DRC9: variants seen among roughly 807,000 people sequenced by gnomAD.
DRC9 encodes the protein dynein regulatory complex protein 9.
chr3:197,911,283 C>T, the DRC9 span, among the ~76,000 whole-genome samples: 17 of 152,240 alleles, frequency 1.1e-4, no homozygotes, highest in East Asian at 3.1e-3. Flanking sequence ...ACACTGCTAA[C>T]GGCAGCACAG....
the DRC9 span, among the ~76,000 whole-genome samples, chr3:197,890,733 T>C: frequency 6.6e-6 from 1 of 152,258 alleles, no homozygotes; most frequent in Non-Finnish European, 1.5e-5. Flanking sequence ...TGAAACTTGA[T>C]AAATACTTGC....
the DRC9 span, among the ~76,000 whole-genome samples, chr3:197,933,458 CA>C: frequency 2.6e-5 from 4 of 151,584 alleles, no homozygotes; most frequent in Non-Finnish European, 4.4e-5. Flanking sequence ...ACACAAAAAA[CA>C]AAAAAACCGC....
At chr3:197,943,438 C>T in the DRC9 span, among the ~76,000 whole-genome samples, 2 of 152,010 alleles carry the variant, frequency 1.3e-5, no homozygotes, top group African/African-American at 4.8e-5. Flanking sequence ...TTTAATGGCA[C>T]CAGCCTGGAC....
the DRC9 span, among the ~76,000 whole-genome samples, chr3:197,899,706 G>C: frequency 1.5e-4 from 23 of 152,214 alleles, 1 homozygote; most frequent in African/African-American, 5.3e-4. Flanking sequence ...AGGCTGTGCA[G>C]AGTGAGAGGG....
the DRC9 span, among the ~76,000 whole-genome samples, chr3:197,931,068 A>T: frequency 6.6e-6 from 1 of 151,848 alleles, no homozygotes; most frequent in Non-Finnish European, 1.5e-5. Context: ...AAAGAAAGAA[A>T]GAGTTGGAAG....
the DRC9 span, among the ~76,000 whole-genome samples, chr3:197,896,984 G>A: frequency 6.6e-6 from 1 of 152,132 alleles, no homozygotes; most frequent in Non-Finnish European, 1.5e-5. Flanking sequence ...TGGGGACACT[G>A]AACCGAACCA....
chr3:197,931,046 AAAAAG>A, the DRC9 span, among the ~76,000 whole-genome samples: 10 of 152,172 alleles, frequency 6.6e-5, no homozygotes, highest in African/African-American at 2.2e-4. Context: ...AAAAGAAAAA[AAAAAG>A]AAAAGAAAAG....
chr3:197,950,338 G>C, the DRC9 span: 1 of 1,226,254 alleles, frequency 8.2e-7, no homozygotes, highest in Non-Finnish European at 1.0e-6. Context: ...GATTTCTACG[G>C]GTTTCAAGAA....
the DRC9 span, among the ~76,000 whole-genome samples, chr3:197,912,017 T>C: frequency 6.6e-6 from 1 of 152,028 alleles, no homozygotes; most frequent in African/African-American, 2.4e-5. Context: ...AATTTAAAAA[T>C]AATTAATTTA....
the DRC9 span, among the ~76,000 whole-genome samples, chr3:197,927,415 G>A: frequency 2.0e-5 from 3 of 152,084 alleles, no homozygotes; most frequent in Non-Finnish European, 4.4e-5. Context: ...TAGTAGAGAT[G>A]GGTTTTTACC....
chr3:197,943,900 C>A, the DRC9 span: 1 of 1,614,166 alleles, frequency 6.2e-7, no homozygotes, highest in Non-Finnish European at 8.5e-7. Context: ...GACAGTGGCT[C>A]TAGAGTTTCC....
chr3:197,953,725 A>AT, the DRC9 span: 1 of 511,558 alleles, frequency 2.0e-6, no homozygotes, highest in South Asian at 2.0e-5. Context: ...TTTTTTCAAT[A>AT]TTGCCTCTGT....
At chr3:197,952,890 T>G in the DRC9 span, among the ~76,000 whole-genome samples, 1 of 151,998 alleles carries the variant, frequency 6.6e-6, no homozygotes, top group Non-Finnish European at 1.5e-5. Context: ...TGGAGTGCAG[T>G]GGTGTGATCT....
At chr3:197,956,987 A>G in the DRC9 span, 4 of 152,194 alleles carry the variant, frequency 2.6e-5, no homozygotes, top group Admixed American at 2.0e-4. Context: ...TTGCCACCTA[A>G]GCCCTTTTGC....
chr3:197,954,322 G>T, the DRC9 span: 2 of 720,508 alleles, frequency 2.8e-6, no homozygotes, highest in South Asian at 3.5e-5. Flanking sequence ...TAGGTGTTTG[G>T]TTGTTTGTTT....
At chr3:197,891,319 G>A in the DRC9 span, 1 of 572,406 alleles carries the variant, frequency 1.7e-6, no homozygotes, top group South Asian at 2.3e-5. Flanking sequence ...AATAACAAAA[G>A]TCCATGCTTC....
chr3:197,938,874 C>G, the DRC9 span: 1 of 879,094 alleles, frequency 1.1e-6, no homozygotes, highest in South Asian at 1.6e-5. Flanking sequence ...ATTATCTTCT[C>G]TGACTTCTAC....
At chr3:197,943,793 TCTCC>T in the DRC9 span, 1 of 1,614,100 alleles carries the variant, frequency 6.2e-7, no homozygotes, top group South Asian at 1.1e-5. Context: ...AGATGCTCTG[TCTCC>T]CTTCGTACTG....
At chr3:197,945,231 G>T in the DRC9 span, among the ~76,000 whole-genome samples, 1 of 152,186 alleles carries the variant, frequency 6.6e-6, no homozygotes, top group African/African-American at 2.4e-5. Context: ...GAAGACAGCT[G>T]CCTTGGTATG....
Sources: allele counts gnomAD v4.1 joint callset (sites outside exome capture counted in the v4.1 genomes callset), GRCh38; gene constraint gnomAD v4.1.1; transcripts MANE v1.5; gene names NCBI Gene and HGNC (gene_info 2026-07-23, HGNC 2026-07-21).